POSTN: variants seen among roughly 807,000 people sequenced by gnomAD.
The protein encoded by POSTN is osteoblast specific factor 2 (fasciclin I-like).
A neutral mutation model predicts 104.5 loss-of-function variants in POSTN; 71 were observed. The ratio of observed to expected loss-of-function variants is 0.68; its 90% CI spans 0.56 to 0.83. The LOEUF is 0.83. Ranked by LOEUF, POSTN falls within the 40% of genes least tolerant of loss-of-function variation. The pLI, the probability that POSTN is intolerant of heterozygous loss-of-function variation, is 0.00. For missense variants in POSTN, 949 were observed against 1,006.8 expected (o/e 0.94, Z 0.78); for synonymous variants, 355 against 340.7 (o/e 1.04, Z -0.46).
intron 17 of POSTN, among the ~76,000 whole-genome samples, chr13:37,573,274 T>C (rs1339032144): frequency 6.6e-6 from 1 of 151,544 alleles, no homozygotes; most frequent in Non-Finnish European, 1.5e-5. Flanking sequence ...AAGATCATTG[T>C]GTCATGTTTT....
intron 3 of POSTN, among the ~76,000 whole-genome samples, chr13:37,591,495 A>T (rs908598934): frequency 1.3e-4 from 20 of 152,154 alleles, no homozygotes; most frequent in African/African-American, 4.3e-4. Context: ...TTACTGGACT[A>T]GAGACTTTCT....
chr13:37,588,192 T>C (rs1438814654), intron 4 of POSTN, among the ~76,000 whole-genome samples: 1 of 152,150 alleles, frequency 6.6e-6, no homozygotes, highest in Non-Finnish European at 1.5e-5. Flanking sequence ...ATCCTGAATG[T>C]GATACAGTAC....
chr13:37,581,574 A>G (rs1950590172), intron 10 of POSTN, among the ~76,000 whole-genome samples: 1 of 152,130 alleles, frequency 6.6e-6, no homozygotes, highest in Non-Finnish European at 1.5e-5. Context: ...AAATTAAAAA[A>G]TTAACTAGGG....
At chr13:37,584,444 C>T (rs1950687006) in intron 8 of POSTN, among the ~76,000 whole-genome samples, 1 of 152,092 alleles carries the variant, frequency 6.6e-6, no homozygotes, top group African/African-American at 2.4e-5. Context: ...ATCTTTCCTT[C>T]TCTTTCCAAG....
At chr13:37,564,710 G>T in intron 21 of POSTN, 150 bp from the exon 22 acceptor site, 1 of 469,780 alleles carries the variant, frequency 2.1e-6, no homozygotes, top group Non-Finnish European at 3.8e-6. Flanking sequence ...ATGATCCTCA[G>T]AGTTTTACAT....
intron 9 of POSTN, among the ~76,000 whole-genome samples, chr13:37,583,238 T>A (rs372450650): frequency 1.4e-4 from 22 of 152,128 alleles, no homozygotes; most frequent in East Asian, 1.9e-4. Context: ...AGTGTATAAG[T>A]CTCTTCATTT....
intron 21 of POSTN, chr13:37,565,154 C>A (rs1402919726): frequency 6.6e-6 from 1 of 151,964 alleles, no homozygotes; most frequent in Non-Finnish European, 1.5e-5. Flanking sequence ...CAGTGTCAAT[C>A]CTATGAGATC....
intron 22 of POSTN, 112 bp from the exon 23 acceptor site, chr13:37,563,482 C>A (rs1433756720): frequency 1.0e-5 from 5 of 495,426 alleles, no homozygotes; most frequent in Non-Finnish European, 1.6e-5. Flanking sequence ...TTGTAATAAA[C>A]CTTAGATTAT....
At chr13:37,566,865 T>C (rs1393103228) in intron 21 of POSTN, among the ~76,000 whole-genome samples, 1 of 152,070 alleles carries the variant, frequency 6.6e-6, no homozygotes, top group East Asian at 1.9e-4. Flanking sequence ...ACATCAGTAC[T>C]CAAAGTACCA....
At chr13:37,594,812 A>G (rs1430478919) in intron 2 of POSTN, among the ~76,000 whole-genome samples, 1 of 152,132 alleles carries the variant, frequency 6.6e-6, no homozygotes, top group Non-Finnish European at 1.5e-5. Context: ...AGTCCTGATG[A>G]TATCTCTGGA....
In POSTN at chr13:37,570,664, T is replaced by C; in HGVS notation, c.2185A>G (p.Ile729Val). 1 of 1,600,190 alleles carries C rather than the reference T, an allele frequency of 6.2e-7. No individual in the cohort carries two copies. Among genetic ancestry groups the C allele is most frequent in the Non-Finnish European group, 8.6e-7 (1 of 1,167,932 alleles). ...ATGATTTTGGTGTATTTTTTAATAA[T>C]TGGCTCTAAAAGCAGGGGAATACAA... ...TITEVIHGEP[I>V]IKKYTKIIDG... Residue 729 changes from isoleucine to valine, a missense_variant, in exon 19 of 23, where the codon ATT becomes GTT. Coordinates refer to ENST00000379747, the MANE Select transcript of POSTN (RefSeq NM_006475.3).
Position 37,598,672 on chromosome 13 carries a change from T to A in POSTN, c.55A>T (p.Ile19Leu), listed in dbSNP as rs201818561. The change falls in exon 1 of 23, where the codon ATA (isoleucine) becomes TTA (leucine). Residue 19 changes from isoleucine to leucine, a missense_variant. By Grantham distance (5) the Ile-to-Leu change is conservative. Transcript: ENST00000379747. ...SLLLLLIVNP[I>L]NANNHYDKIL... ...TTGTCATAATGATTGTTGGCGTTTA[T>A]AGGGTTAACAATAAGCAGCAATAGT... The A allele has an allele frequency of 1.1e-5, 18 of 1,613,382 alleles. No individual in the cohort carries two copies. Among genetic ancestry groups the A allele is most frequent in the Non-Finnish European group, 1.7e-6 (2 of 1,179,536 alleles).
intron 13 of POSTN, 45 bp from the exon 14 acceptor site, chr13:37,579,166 A>G: frequency 6.2e-7 from 1 of 1,602,394 alleles, no homozygotes; most frequent in Admixed American, 1.7e-5. Flanking sequence ...TTCATTAAGG[A>G]TGAATATTTA....
At chr13:37,578,660 G>C (rs1950484255) in intron 15 of POSTN, among the ~76,000 whole-genome samples, 184 bp downstream of exon 15, 1 of 151,804 alleles carries the variant, frequency 6.6e-6, no homozygotes, top group South Asian at 2.1e-4. Context: ...TTAGCTGGGT[G>C]TGGTGGTGGG....
chr13:37,580,334 A>T (rs1225257228), intron 11 of POSTN, among the ~76,000 whole-genome samples: 2 of 152,240 alleles, frequency 1.3e-5, no homozygotes, highest in Non-Finnish European at 2.9e-5. Context: ...AATGTCAAGA[A>T]GTAGTTTAGT....
intron 11 of POSTN, 51 bp from the exon 12 acceptor site, chr13:37,580,042 T>A: frequency 1.9e-6 from 3 of 1,540,186 alleles, no homozygotes; most frequent in Non-Finnish European, 2.7e-6. Context: ...TTTAGGTATG[T>A]TCACCTACAG....
At chr13:37,576,849 C>T (rs147305488) in intron 16 of POSTN, among the ~76,000 whole-genome samples, 2 of 151,878 alleles carry the variant, frequency 1.3e-5, no homozygotes, top group African/African-American at 4.8e-5. Flanking sequence ...TTTTGTTTTG[C>T]TCCTTACATT....
chr13:37,583,417 AC>A (rs1228427731), intron 9 of POSTN, among the ~76,000 whole-genome samples: 21 of 150,886 alleles, frequency 1.4e-4, no homozygotes, highest in Non-Finnish European at 2.8e-4. Context: ...TCACAGAGAA[AC>A]TAAATATGCT....
rs200208049 is a variant in POSTN, at chr13:37,592,298, A to AT, written c.219-135dup. The AT allele has an allele frequency of 9.7e-3, 6,044 of 622,876 alleles. 284 individuals carry two copies. In the African/African-American group the frequency reaches 0.1, roughly 10 times the overall value. 38.6% of individuals were successfully genotyped at this position (622,876 alleles called of 1,614,324 possible). ...AAAATCAGGTTTTTTTTCCCCCCTG[A>AT]TTTTTTCTTTTTTCTTTTGAGACGG... is the stretch of plus-strand genomic sequence containing the variant. On this transcript the variant is annotated intron_variant, in intron 2 of 22. Coordinates refer to ENST00000379747, the MANE Select transcript of POSTN (RefSeq NM_006475.3).
Sources: allele counts gnomAD v4.1 joint callset (sites outside exome capture counted in the v4.1 genomes callset), GRCh38; gene constraint gnomAD v4.1.1; transcripts MANE v1.5; gene names NCBI Gene and HGNC (gene_info 2026-07-23, HGNC 2026-07-21).